The following ABCC4 variants were observed in gnomAD, a reference collection of about 807,000 sequenced individuals.
The protein encoded by ABCC4 is ATP binding cassette subfamily C member 4 (PEL blood group).
A neutral mutation model predicts 168.5 loss-of-function variants in ABCC4; 102 were observed. The observed-to-expected ratio is 0.61, with a 90% CI of 0.52 to 0.71. ABCC4 has a LOEUF of 0.71. Among genes scored for constraint, ABCC4 ranks in the 30% least tolerant of loss-of-function variants. The pLI is 0.00. For missense variants in ABCC4, 1,402 were observed against 1,605.8 expected, an observed-to-expected ratio of 0.87 and a Z score of 2.17; for synonymous variants, 617 against 590.7, an observed-to-expected ratio of 1.04 and a Z score of -0.65.
intron 25 of ABCC4, among the ~76,000 whole-genome samples, chr13:95,067,057 A>G (rs951285851): frequency 1.3e-5 from 2 of 152,222 alleles, no homozygotes; most frequent in Non-Finnish European, 2.9e-5. Context: ...TACGTTGGAC[A>G]TGGGGCAACT....
intron 30 of ABCC4, among the ~76,000 whole-genome samples, chr13:95,030,102 CCTCCATCTCCTGGGTTCAAGTGATT>C (rs539872881): frequency 2.2e-4 from 33 of 152,272 alleles, no homozygotes; most frequent in African/African-American, 6.3e-4. Flanking sequence ...CTCACTGCAA[CCTCCATCTCCTGGGTTCAAGTGATT>C]CTCCAGCCTC....
At chr13:95,241,663 A>T (rs536889204) in intron 3 of ABCC4, among the ~76,000 whole-genome samples, 1 of 152,246 alleles carries the variant, frequency 6.6e-6, no homozygotes, top group African/African-American at 2.4e-5. Context: ...ATTTGCCTGG[A>T]AGAGCACCAT....
At chr13:95,285,946 G>C (rs1408105923) in intron 1 of ABCC4, among the ~76,000 whole-genome samples, 1 of 151,928 alleles carries the variant, frequency 6.6e-6, no homozygotes, top group African/African-American at 2.4e-5. Flanking sequence ...CGTGGCAACT[G>C]ACCAACTACC....
chr13:95,206,588 A>G lies in ABCC4; in HGVS notation c.1105T>C (p.Phe369Leu), dbSNP rs1469565675. 6.2e-7 allele frequency: 1 copy of G among 1,614,066 alleles called. No individual in the cohort carries two copies. The highest frequency in any genetic ancestry group is 8.5e-7 in the Non-Finnish European group (1 of 1,180,036). Residue 369 changes from phenylalanine to leucine, a missense_variant, in exon 8 of 31, where the codon TTC becomes CTC. By Grantham distance (22) the Phe-to-Leu change is conservative. Around this residue, in one of 3 missense-constraint regions of ABCC4, gnomAD observed 78 missense variants for 133.0 expected, o/e 0.59. Coordinates refer to ENST00000645237, the MANE Select transcript of ABCC4 (RefSeq NM_005845.5). ...GAVRLTVTLFFPSAIERVSEA... is the reference protein window; with the variant it reads ...GAVRLTVTLFLPSAIERVSEA... ...GACACCCTCTCAATGGCTGAGGGGAAGAAGAGGGTAACCGTCAGCCGCACA... is the reference window on the plus strand; with the variant it reads ...GACACCCTCTCAATGGCTGAGGGGAGGAAGAGGGTAACCGTCAGCCGCACA...
intron 8 of ABCC4, among the ~76,000 whole-genome samples, chr13:95,205,067 A>C (rs988595244): frequency 2.0e-5 from 3 of 152,254 alleles, no homozygotes; most frequent in Non-Finnish European, 4.4e-5. Flanking sequence ...AGCTACATGA[A>C]AAAAGTGTTA....
At chr13:95,185,352 C>T (rs1360835366) in intron 11 of ABCC4, among the ~76,000 whole-genome samples, 2 of 152,188 alleles carry the variant, frequency 1.3e-5, no homozygotes, top group Non-Finnish European at 2.9e-5. Flanking sequence ...AAATCTAGCT[C>T]ATTACTGCTA....
At chr13:95,102,424 C>A (rs1000621957) in intron 20 of ABCC4, among the ~76,000 whole-genome samples, 1 of 151,824 alleles carries the variant, frequency 6.6e-6, no homozygotes, top group South Asian at 2.1e-4. Context: ...AGGACTACAA[C>A]CATAAGACAC....
intron 1 of ABCC4, among the ~76,000 whole-genome samples, chr13:95,288,533 C>G (rs1177054220): frequency 6.6e-6 from 1 of 152,136 alleles, no homozygotes; most frequent in Non-Finnish European, 1.5e-5. Context: ...AGGCTGGACG[C>G]AGTGGCTCAT....
Position 95,062,515 on chromosome 13 carries a change from G to C in ABCC4, c.3366+189C>G, listed in dbSNP as rs1447136210. Among the ~76,000 whole-genome samples, 16 of 73,628 alleles carry C rather than the reference G, an allele frequency of 2.2e-4. No homozygotes were observed. In the East Asian group the frequency reaches 2.8e-3, roughly 13 times the overall value. 48.3% of individuals were successfully genotyped at this position (73,628 alleles called of 152,430 possible). On this transcript the variant is annotated intron_variant, in intron 26 of 30. Transcript: ENST00000645237. ...ACACACACACACACACACAGAGAGA[G>C]AGAGAAATGAACAAAGCTGGATATC...
chr13:95,299,446 A>T (rs748945734), intron 1 of ABCC4, among the ~76,000 whole-genome samples: 5 of 152,048 alleles, frequency 3.3e-5, no homozygotes, highest in Non-Finnish European at 7.4e-5. Context: ...GTGTACCACA[A>T]TCGAAACAAG....
At chr13:95,196,657 GAA>G (rs2038448861) in intron 8 of ABCC4, among the ~76,000 whole-genome samples, 1 of 32,504 alleles carries the variant, frequency 3.1e-5, no homozygotes, top group East Asian at 9.9e-4. Context: ...AGGAAGGAAG[GAA>G]GGAAGGAAGG....
chr13:95,277,578 C>CAA (rs5805920), intron 1 of ABCC4, among the ~76,000 whole-genome samples: 17 of 131,468 alleles, frequency 1.3e-4, no homozygotes, highest in African/African-American at 4.6e-4. Flanking sequence ...TGAGACTTCT[C>CAA]AAAAAAAAAA....
At chr13:95,044,015 C>A (rs778499167) in intron 28 of ABCC4, among the ~76,000 whole-genome samples, 19 of 152,238 alleles carry the variant, frequency 1.2e-4, no homozygotes, top group Non-Finnish European at 2.2e-4. Flanking sequence ...TGTCTTCCCT[C>A]CAAATTGCTT....
intron 4 of ABCC4, among the ~76,000 whole-genome samples, chr13:95,221,278 G>A (rs2039303522): frequency 6.6e-6 from 1 of 152,108 alleles, no homozygotes; most frequent in Non-Finnish European, 1.5e-5. Flanking sequence ...GCCCAGGATG[G>A]CGTACAGTGG....
chr13:95,239,292 A>G (rs1170605184), intron 3 of ABCC4, among the ~76,000 whole-genome samples: 1 of 152,222 alleles, frequency 6.6e-6, no homozygotes, highest in African/African-American at 2.4e-5. Flanking sequence ...GAGAAAAAAG[A>G]ACAGATGAAG....
intron 5 of ABCC4, 72 bp downstream of exon 5, chr13:95,210,620 C>A: frequency 1.5e-6 from 2 of 1,307,570 alleles, no homozygotes; most frequent in Middle Eastern, 1.8e-4. Context: ...TGAGCCCCTG[C>A]CTCCAGAAAG....
At chr13:95,209,980 A>C (rs1430697453) in intron 5 of ABCC4, among the ~76,000 whole-genome samples, 1 of 152,210 alleles carries the variant, frequency 6.6e-6, no homozygotes, top group African/African-American at 2.4e-5. Context: ...CCAGTAATTT[A>C]CTTGTGTGTT....
At chr13:95,071,349 C>T (rs527930572) in intron 25 of ABCC4, among the ~76,000 whole-genome samples, 9 of 152,222 alleles carry the variant, frequency 5.9e-5, no homozygotes, top group South Asian at 4.2e-4. Flanking sequence ...AAGTAAAAAT[C>T]GACAGAATTA....
intron 1 of ABCC4, among the ~76,000 whole-genome samples, chr13:95,270,475 T>C (rs1022578307): frequency 6.6e-6 from 1 of 152,154 alleles, no homozygotes; most frequent in African/African-American, 2.4e-5. Context: ...GGTCTGACCC[T>C]TCCTTCTCCC....
Sources: allele counts gnomAD v4.1 joint callset (sites outside exome capture counted in the v4.1 genomes callset), GRCh38; gene constraint gnomAD v4.1.1; regional missense constraint gnomAD v4.1.1; transcripts MANE v1.5; gene names NCBI Gene and HGNC (gene_info 2026-07-23, HGNC 2026-07-21).